Variants in OPCML observed in about 807,000 individuals in gnomAD.
OPCML encodes the protein opioid-binding protein/cell adhesion molecule.
Under a neutral mutation model 37.8 loss-of-function variants are expected in OPCML, and 13 were observed. That is an observed-to-expected ratio of 0.34 (90% confidence interval 0.22 to 0.55). The LOEUF (loss-of-function observed/expected upper bound fraction) is 0.55. Among genes scored for constraint, OPCML ranks in the 20% least tolerant of loss-of-function variants. OPCML has a pLI of 0.91. For synonymous variants in OPCML, 176 were observed against 168.8 expected (o/e 1.04, Z -0.33); for missense variants, 341 against 435.6 (o/e 0.78, Z 1.93).
intron 1 of OPCML, among the ~76,000 whole-genome samples, chr11:132,991,673 C>G (rs866367176): frequency 1.3e-5 from 2 of 152,242 alleles, no homozygotes; most frequent in Middle Eastern, 3.4e-3. Flanking sequence ...CAACACAGCC[C>G]TAAAACAGAA....
At chr11:133,337,479 G>A (rs754085087) in intron 1 of OPCML, among the ~76,000 whole-genome samples, 1 of 152,220 alleles carries the variant, frequency 6.6e-6, no homozygotes, top group Non-Finnish European at 1.5e-5. Flanking sequence ...GAGACTGCAA[G>A]CTCAGGTGGC....
At chr11:132,959,920 A>G (rs1438062608) in intron 1 of OPCML, among the ~76,000 whole-genome samples, 1 of 152,198 alleles carries the variant, frequency 6.6e-6, no homozygotes, top group Non-Finnish European at 1.5e-5. Context: ...CCAAAATGGA[A>G]CACCGTCCAA....
At chr11:132,605,178 C>T (rs1308133764) in intron 3 of OPCML, among the ~76,000 whole-genome samples, 1 of 152,164 alleles carries the variant, frequency 6.6e-6, no homozygotes, top group African/African-American at 2.4e-5. Context: ...AGAAGCATTG[C>T]ATGGGCTAGA....
chr11:132,559,128 A>G (rs2096404819), intron 3 of OPCML, among the ~76,000 whole-genome samples: 1 of 152,084 alleles, frequency 6.6e-6, no homozygotes, highest in Admixed American at 6.6e-5. Context: ...AAAAAGGACA[A>G]AGAAGAAAAG....
chr11:132,523,892 C>T (rs2096300895), intron 4 of OPCML, among the ~76,000 whole-genome samples: 1 of 152,204 alleles, frequency 6.6e-6, no homozygotes, highest in Non-Finnish European at 1.5e-5. Context: ...AGCTCATGCA[C>T]TTGCTCCCTG....
At chr11:133,507,495 C>G (rs142021750) in intron 1 of OPCML, among the ~76,000 whole-genome samples, 51 of 152,318 alleles carry the variant, frequency 3.3e-4, no homozygotes, top group African/African-American at 1.2e-3. Flanking sequence ...CTTGCAAGAA[C>G]AGAGTTGAGG....
intron 3 of OPCML, among the ~76,000 whole-genome samples, chr11:132,628,130 G>A (rs1049708084): frequency 2.0e-5 from 3 of 152,130 alleles, no homozygotes; most frequent in Non-Finnish European, 4.4e-5. Flanking sequence ...AGAGAGGACA[G>A]AAGACAGGAG....
At chr11:133,273,843 A>G (rs564799120) in intron 1 of OPCML, among the ~76,000 whole-genome samples, 1 of 152,360 alleles carries the variant, frequency 6.6e-6, no homozygotes, top group East Asian at 1.9e-4. Context: ...TTCAATCAGG[A>G]AAAATCTCAC....
At chr11:132,504,582 C>G (rs1484491612) in intron 4 of OPCML, among the ~76,000 whole-genome samples, 1 of 151,774 alleles carries the variant, frequency 6.6e-6, no homozygotes, top group Non-Finnish European at 1.5e-5. Context: ...ATGCACTTCC[C>G]AGGCGGCTTG....
chr11:133,421,413 T>C (rs1485087282), intron 1 of OPCML: 2 of 985,336 alleles, frequency 2.0e-6, no homozygotes, highest in East Asian at 1.1e-4. Context: ...AGGCATTTCG[T>C]TGTGTATGTT....
chr11:132,865,055 G>C (rs1942474941), intron 2 of OPCML, among the ~76,000 whole-genome samples: 1 of 152,188 alleles, frequency 6.6e-6, no homozygotes. Context: ...GCATGAGTCA[G>C]CATTTTAGCT....
At chr11:132,945,572 C>T (rs1489714487) in intron 1 of OPCML, among the ~76,000 whole-genome samples, 1 of 152,202 alleles carries the variant, frequency 6.6e-6, no homozygotes. Context: ...TTCATAAACA[C>T]TATATAATTA....
At chr11:133,461,326 T>C (rs777002660) in intron 1 of OPCML, among the ~76,000 whole-genome samples, 24 of 151,860 alleles carry the variant, frequency 1.6e-4, no homozygotes, top group Non-Finnish European at 2.5e-4. Context: ...TAAAAAACTC[T>C]AAATGTCACA....
At chr11:132,666,046 A>C (rs1232026683) in intron 2 of OPCML, among the ~76,000 whole-genome samples, 1 of 152,214 alleles carries the variant, frequency 6.6e-6, no homozygotes, top group Non-Finnish European at 1.5e-5. Context: ...ACCTTCATGA[A>C]GCTCGCAGAT....
intron 3 of OPCML, among the ~76,000 whole-genome samples, chr11:132,625,722 T>C (rs1939699894): frequency 6.6e-6 from 1 of 152,114 alleles, no homozygotes; most frequent in Admixed American, 6.5e-5. Flanking sequence ...AGACATGATG[T>C]CTCTTATTTC....
At chr11:133,080,545 C>T (rs866147078) in intron 1 of OPCML, among the ~76,000 whole-genome samples, 12 of 148,668 alleles carry the variant, frequency 8.1e-5, no homozygotes, top group Middle Eastern at 3.4e-3. Flanking sequence ...TATAATGCTG[C>T]CTGAGACAAG....
In OPCML at chr11:132,901,226, A is replaced by G. The variant is rs112000081; in HGVS notation, c.146+41700T>C. Among the ~76,000 whole-genome samples the G allele has an allele frequency of 9.7e-3, 1,484 of 152,212 alleles. 30 individuals are homozygous for G. The highest frequency in any genetic ancestry group is 0.034 in the African/African-American group (1,401 of 41,550). On this transcript the variant is annotated intron_variant, in intron 2 of 7. Coordinates refer to ENST00000524381, the MANE Select transcript of OPCML (RefSeq NM_001012393.5). The stretch of plus-strand genomic sequence containing the variant: ...AATAAATAATAAATAAATAAAGTCT[A>G]TCTCCAGTGTTTGCTCCTTATCATA...
chr11:132,699,229 A>G (rs990784729), intron 2 of OPCML, among the ~76,000 whole-genome samples: 1 of 152,100 alleles, frequency 6.6e-6, no homozygotes. Flanking sequence ...TACTGAATTT[A>G]TTAGTTCTAG....
In OPCML at chr11:132,463,755, A is replaced by C. The variant is rs574652825; in HGVS notation, c.506-26396T>G. On this transcript the variant is annotated intron_variant, in intron 4 of 7. Transcript: ENST00000524381. Reference sequence around the variant, plus strand: ...GCTGGTCAGTCATCTGTGGCATTTAAGTAGCTTTCTAAAAATACATATTAT... The same window carrying C: ...GCTGGTCAGTCATCTGTGGCATTTACGTAGCTTTCTAAAAATACATATTAT... 3.9e-5 allele frequency among the ~76,000 whole-genome samples: 6 copies of C among 152,348 alleles called. No homozygotes were observed. In the South Asian group the frequency reaches 1.0e-3, roughly 26 times the overall value.
Sources: gnomAD v4.1 joint callset for allele counts (sites outside exome capture counted in the v4.1 genomes callset) on GRCh38, gnomAD v4.1.1 for gene constraint, MANE v1.5 for transcripts, NCBI Gene and HGNC (gene_info 2026-07-23, HGNC 2026-07-21) for gene names.